Variants in BCLAF3 observed in about 807,000 individuals in gnomAD.
BCLAF3 encodes the protein transient octamer binding factor 1.
Under a neutral mutation model 51.2 loss-of-function variants are expected in BCLAF3, and 24 were observed. That is an observed-to-expected ratio of 0.47 (90% CI 0.34 to 0.66). BCLAF3 has a LOEUF of 0.66. Among genes scored for constraint, BCLAF3 ranks in the 30% least tolerant of loss-of-function variants. The probability of loss-of-function intolerance (pLI) is 0.01; values close to 1 mark genes in which losing one functional copy is unlikely to be tolerated. For missense variants in BCLAF3, 465 were observed against 525.1 expected (o/e 0.89, Z 1.12); for synonymous variants, 152 against 176.6 (o/e 0.86, Z 1.10).
At chrX:19,982,229 G>T (rs2072633633) in intron 1 of BCLAF3, among the ~76,000 whole-genome samples, 1 of 111,116 alleles carries the variant, frequency 9.0e-6, no homozygotes, top group African/African-American at 3.3e-5. Flanking sequence ...GATCCTTTGA[G>T]CCCAGAAGTT....
chrX:19,972,844 G>A lies in BCLAF3; in HGVS notation c.-34-2546C>T, dbSNP rs1315741801. Among the ~76,000 whole-genome samples the A allele has an allele frequency of 5.3e-5, 6 of 112,190 alleles. No individual in the cohort carries two copies. In the East Asian group the frequency reaches 1.7e-3, roughly 31 times the overall value. On this transcript the variant is annotated intron_variant, in intron 1 of 11. Transcript: ENST00000379682. Reference sequence around the variant, plus strand: ...ATGGTAGAATAATAGACATTTCATTGTATGGGTACATTACATTTTGTTCAT... The same window carrying A: ...ATGGTAGAATAATAGACATTTCATTATATGGGTACATTACATTTTGTTCAT...
rs1457460448 is a variant in BCLAF3 at position 19,991,059 on chromosome X, A to C, written c.-186T>G. On this transcript the variant is annotated 5_prime_UTR_variant, in exon 1 of 12. Transcript: ENST00000379682. ...CCTCTGCCGGGCCGCGGGACCCGGA[A>C]CCACTTCCTTCCGGAACCGCCTCGC... Among the ~76,000 whole-genome samples the C allele has an allele frequency of 1.9e-5, 2 of 104,579 alleles. No homozygotes were observed. Among genetic ancestry groups the C allele is most frequent in the Non-Finnish European group, 4.0e-5 (2 of 50,233 alleles). The allele number at this position is 104,579 out of a possible 115,157, so 90.8% of individuals were successfully genotyped here. A position where few individuals can be genotyped will look rare whatever the true frequency, so the allele number is the denominator to read the frequency against.
intron 11 of BCLAF3, chrX:19,928,971 C>A (rs1488873879): frequency 9.0e-6 from 1 of 111,532 alleles, no homozygotes; most frequent in Admixed American, 9.6e-5. Context: ...TTCAGTCACA[C>A]AGGAGGAATA....
intron 11 of BCLAF3, among the ~76,000 whole-genome samples, chrX:19,920,936 G>A (rs903787553): frequency 1.8e-5 from 2 of 111,698 alleles, no homozygotes; most frequent in African/African-American, 6.5e-5. Flanking sequence ...AGTTATAGTG[G>A]GGGCTTTGAT....
intron 11 of BCLAF3, chrX:19,929,506 T>C (rs2070470535): frequency 1.6e-5 from 3 of 189,349 alleles, no homozygotes; most frequent in Non-Finnish European, 2.9e-5. Flanking sequence ...ATTTCAAAGA[T>C]TAACCATACA....
At chrX:19,987,888 G>C (rs766238629) in intron 1 of BCLAF3, among the ~76,000 whole-genome samples, 1 of 112,002 alleles carries the variant, frequency 8.9e-6, no homozygotes, top group East Asian at 2.8e-4. Context: ...CCTCAAAAAA[G>C]TTAACTGATC....
chrX:19,960,818 A>G lies in BCLAF3; in HGVS notation c.1274+4226T>C, dbSNP rs75445925. On this transcript the variant is annotated intron_variant, in intron 4 of 11. Transcript: ENST00000379682. ...CCACCTCATCCCCTTTCAAACTAGG[A>G]AAAGAGCTGATAGGGGTAGAGACAC... 4.5e-4 allele frequency among the ~76,000 whole-genome samples: 50 copies of G among 111,773 alleles called. No individual in the cohort carries two copies. The East Asian group carries it at 0.013, about 29-fold the overall frequency.
chrX:19,982,947 CT>C (rs200480784), intron 1 of BCLAF3, among the ~76,000 whole-genome samples: 7,645 of 95,296 alleles, frequency 0.08, 852 homozygotes, highest in African/African-American at 0.29. Flanking sequence ...AAAGTGATTC[CT>C]TTTTTTTTTC....
chrX:19,949,073 C>T (rs1052027728), intron 8 of BCLAF3, among the ~76,000 whole-genome samples: 2 of 111,541 alleles, frequency 1.8e-5, no homozygotes, highest in Non-Finnish European at 3.8e-5. Context: ...CACTATGCCT[C>T]ACCACCTATC....
chrX:19,983,903 C>T (rs1366232212), intron 1 of BCLAF3, among the ~76,000 whole-genome samples: 1 of 105,389 alleles, frequency 9.5e-6, no homozygotes, highest in Non-Finnish European at 1.9e-5. Context: ...ACCCCGTCTC[C>T]GCTAAAAATA....
intron 11 of BCLAF3, among the ~76,000 whole-genome samples, chrX:19,918,936 T>C (rs1384139485): frequency 9.0e-6 from 1 of 110,755 alleles, no homozygotes; most frequent in African/African-American, 3.3e-5. Context: ...CACGTTCCCT[T>C]GTTGGTCTTC....
chrX:19,929,700 G>T, intron 11 of BCLAF3, 85 bp downstream of exon 11: 1 of 975,077 alleles, frequency 1.0e-6, no homozygotes, highest in South Asian at 2.6e-5. Flanking sequence ...AAAATTAAAT[G>T]AGAAACCAAT....
intron 3 of BCLAF3, 46 bp from the exon 4 acceptor site, chrX:19,965,752 G>C: frequency 1.9e-6 from 2 of 1,076,925 alleles, no homozygotes; most frequent in Non-Finnish European, 2.5e-6. Context: ...AGAGAAGAAA[G>C]GGAGAATTTA....
intron 11 of BCLAF3, among the ~76,000 whole-genome samples, chrX:19,918,713 G>A (rs778119141): frequency 9.3e-5 from 10 of 107,276 alleles, no homozygotes; most frequent in Non-Finnish European, 1.7e-4. Context: ...GCTGATTTTT[G>A]TATTTTTTGT....
rs546322125 is a variant in BCLAF3, at chrX:19,949,929, C to T, written c.1745+824G>A. Among the ~76,000 whole-genome samples, 23 of 111,322 alleles carry T rather than the reference C, an allele frequency of 2.1e-4. No individual in the cohort carries two copies. The South Asian group carries it at 6.8e-3, about 33-fold the overall frequency. On this transcript the variant is annotated intron_variant, in intron 8 of 11. Coordinates refer to ENST00000379682, the MANE Select transcript of BCLAF3 (RefSeq NM_001367774.2). ...TAATCATATGGGGCCCCAGAGTTGC[C>T]GTGAGTTCCATCCACATGGTGTTCA... is the stretch of plus-strand genomic sequence containing the variant.
In BCLAF3 at chrX:19,970,208, G is replaced by A. The variant is rs780220812; in HGVS notation, c.41+16C>T. On this transcript the variant is annotated intron_variant, in intron 2 of 11. Coordinates refer to ENST00000379682, the MANE Select transcript of BCLAF3 (RefSeq NM_001367774.2). The stretch of plus-strand genomic sequence containing the variant: ...CACATCCCAAATCCAAGCTTACTCT[G>A]CTAAGAACTGCTCACCTGTGTTTCC... The A allele has an allele frequency of 9.2e-6, 11 of 1,201,712 alleles. 1 individual carries two copies. The South Asian group carries it at 1.8e-4, about 19-fold the overall frequency.
intron 11 of BCLAF3, among the ~76,000 whole-genome samples, chrX:19,924,749 G>T (rs1204811536): frequency 8.1e-5 from 9 of 110,868 alleles, no homozygotes; most frequent in Admixed American, 9.7e-5. Flanking sequence ...GGCCAAATGC[G>T]CAATTACTTA....
intron 1 of BCLAF3, among the ~76,000 whole-genome samples, chrX:19,973,516 C>T (rs1441846659): frequency 9.0e-6 from 1 of 111,184 alleles, no homozygotes; most frequent in East Asian, 2.8e-4. Context: ...GTCTTTTCCC[C>T]CACACACCCT....
rs547420400 is a variant in BCLAF3, at chrX:19,924,957, C to T, written c.2106+4828G>A. On this transcript the variant is annotated intron_variant, in intron 11 of 11. Transcript: ENST00000379682. ...TTCCAGGTAGTAACAGACATTCCTC[C>T]CACCCCTTTATCTTCCAGCCCAAGC... Among the ~76,000 whole-genome samples, 10 of 111,047 alleles carry T rather than the reference C, an allele frequency of 9.0e-5. No homozygotes were observed. The South Asian group carries it at 3.8e-3, about 42-fold the overall frequency.
Sources: allele counts gnomAD v4.1 joint callset (sites outside exome capture counted in the v4.1 genomes callset), GRCh38; gene constraint gnomAD v4.1.1; transcripts MANE v1.5; gene names NCBI Gene and HGNC (gene_info 2026-07-23, HGNC 2026-07-21).